Variants in IL21R observed in about 807,000 individuals in gnomAD.
IL21R encodes interleukin-21 receptor.
In IL21R, 14 loss-of-function variants were observed where a neutral mutation model predicts 41.3. The ratio of observed to expected loss-of-function variants is 0.34; its 90% CI spans 0.22 to 0.53. The LOEUF is 0.53. Ranked by LOEUF, IL21R falls within the 20% of genes least tolerant of loss-of-function variation. The pLI, the probability that IL21R is intolerant of heterozygous loss-of-function variation, is 0.94. For synonymous variants in IL21R, 286 were observed against 287.6 expected (o/e 0.99, Z 0.05); for missense variants, 588 against 681.6 (o/e 0.86, Z 1.53).
chr16:27,408,808 T>C (rs1327428796), intron 1 of IL21R, among the ~76,000 whole-genome samples: 1 of 152,152 alleles, frequency 6.6e-6, no homozygotes, highest in Non-Finnish European at 1.5e-5. Context: ...CCCATGTCCC[T>C]ACCTGGGTCA....
At chr16:27,414,082 G>C (rs2086859151) in intron 1 of IL21R, among the ~76,000 whole-genome samples, 2 of 151,134 alleles carry the variant, frequency 1.3e-5, no homozygotes, top group Non-Finnish European at 2.9e-5. Context: ...AGCACCTCTA[G>C]TATAAGATGT....
intron 1 of IL21R, among the ~76,000 whole-genome samples, chr16:27,406,157 G>A (rs2141254732): frequency 6.6e-6 from 1 of 152,398 alleles, no homozygotes; most frequent in African/African-American, 2.4e-5. Context: ...CAGGGCCAGG[G>A]CGGGCTGATG....
Position 27,450,231 on chromosome 16 carries a change from AC to A in IL21R, c.*950del, listed in dbSNP as rs2087568326. The A allele has an allele frequency of 4.3e-6, 1 of 232,670 alleles. No homozygotes were observed. Among genetic ancestry groups the A allele is most frequent in the Non-Finnish European group, 8.5e-6 (1 of 117,744 alleles). 14.4% of individuals were successfully genotyped at this position (232,670 alleles called of 1,614,324 possible). Reference sequence around the variant, plus strand: ...GTCTCTTGGAAACAGCTCCCCACCAACCAAGATTTCTTTTTCTAACTTCTGC... The same window carrying A: ...GTCTCTTGGAAACAGCTCCCCACCAACAAGATTTCTTTTTCTAACTTCTGC... On this transcript the variant is annotated 3_prime_UTR_variant, in exon 9 of 9. Transcript: ENST00000337929.
intron 3 of IL21R, among the ~76,000 whole-genome samples, 182 bp from the exon 4 acceptor site, chr16:27,437,306 T>C (rs1357433232): frequency 6.6e-6 from 1 of 152,146 alleles, no homozygotes; most frequent in African/African-American, 2.4e-5. Flanking sequence ...GAGGATGCTG[T>C]AGGGGAGGTG....
At chr16:27,417,463 G>A (rs1452122561) in intron 1 of IL21R, among the ~76,000 whole-genome samples, 1 of 152,078 alleles carries the variant, frequency 6.6e-6, no homozygotes, top group Non-Finnish European at 1.5e-5. Context: ...TACTGCATCT[G>A]GTCAATTCTT....
At chr16:27,443,804 TG>T (rs2087432120) in intron 5 of IL21R, among the ~76,000 whole-genome samples, 1 of 148,062 alleles carries the variant, frequency 6.8e-6, no homozygotes, top group Non-Finnish European at 1.5e-5. Context: ...AAAGGTCCAG[TG>T]TTAGAGGGCC....
chr16:27,444,441 C>G, intron 5 of IL21R, 101 bp from the exon 6 acceptor site: 1 of 753,590 alleles, frequency 1.3e-6, no homozygotes, highest in Non-Finnish European at 2.0e-6. Context: ...AAGAGACACT[C>G]AGCCCCTTTG....
intron 1 of IL21R, among the ~76,000 whole-genome samples, chr16:27,417,564 A>G (rs2141267533): frequency 6.6e-6 from 1 of 152,360 alleles, no homozygotes; most frequent in South Asian, 2.1e-4. Context: ...GAAATGTGTC[A>G]TTAGGTAATT....
At position 27,448,580 on chromosome 16, in the gene IL21R, C is replaced by G. The variant is rs1222645009; in HGVS notation, c.914C>G (p.Pro305Arg). The G allele has an allele frequency of 1.9e-6, 3 of 1,612,162 alleles. No individual in the cohort carries two copies. The highest frequency in any genetic ancestry group is 2.5e-6 in the Non-Finnish European group (3 of 1,179,616). The change falls in exon 9 of 9, where the codon CCC becomes CGC. Residue 305 changes from proline (P) to arginine (R), a missense_variant. By Grantham distance (103) the Pro-to-Arg change is moderately radical. Coordinates refer to ENST00000337929, the MANE Select transcript of IL21R (RefSeq NM_181078.3). Reference protein sequence around the residue: ...PFTGSSLELGPWSPEVPSTLE... With the variant: ...PFTGSSLELGRWSPEVPSTLE... ...ACTGGCTCCAGCCTGGAGCTGGGAC[C>G]CTGGAGCCCAGAGGTGCCCTCCACC... is the stretch of plus-strand genomic sequence containing the variant.
chr16:27,440,353 A>G (rs2087368051), intron 4 of IL21R, among the ~76,000 whole-genome samples: 1 of 151,020 alleles, frequency 6.6e-6, no homozygotes, highest in African/African-American at 2.4e-5. Flanking sequence ...AGCTCATTGC[A>G]GCCTGGAACT....
At chr16:27,434,616 C>T (rs952665047) in intron 3 of IL21R, among the ~76,000 whole-genome samples, 167 bp downstream of exon 3, 6 of 152,170 alleles carry the variant, frequency 3.9e-5, no homozygotes, top group African/African-American at 7.2e-5. Flanking sequence ...TTGGTCTATC[C>T]ACCAGCTTCA....
At chr16:27,419,251 A>G (rs888506700) in intron 1 of IL21R, among the ~76,000 whole-genome samples, 2 of 152,286 alleles carry the variant, frequency 1.3e-5, no homozygotes, top group South Asian at 2.1e-4. Flanking sequence ...AGGCAGACAC[A>G]TTAGCCTAGG....
chr16:27,434,419 A>T lies in IL21R; in HGVS notation c.122A>T (p.Asn41Ile). 1.2e-6 allele frequency: 2 copies of T among 1,613,358 alleles called. No individual in the cohort carries two copies. The highest frequency in any genetic ancestry group is 2.2e-5 in the South Asian group (2 of 91,040). Residue 41 changes from asparagine to isoleucine, a missense_variant, in exon 3 of 9, where the codon AAC (asparagine) becomes ATC (isoleucine). Coordinates refer to ENST00000337929, the MANE Select transcript of IL21R (RefSeq NM_181078.3). ...GTCATCTGCATCCTGGAAATGTGGAACCTCCACCCCAGCACGCTCACCCTT... is the reference window on the plus strand; with the variant it reads ...GTCATCTGCATCCTGGAAATGTGGATCCTCCACCCCAGCACGCTCACCCTT... ...QTVICILEMW[N>I]LHPSTLTLTW...
intron 1 of IL21R, among the ~76,000 whole-genome samples, chr16:27,418,499 G>A (rs761518729): frequency 6.6e-6 from 1 of 152,132 alleles, no homozygotes; most frequent in Non-Finnish European, 1.5e-5. Context: ...CTCCAGAGTA[G>A]CTGGGACTAC....
intron 4 of IL21R, 88 bp from the exon 5 acceptor site, chr16:27,442,874 G>A: frequency 8.0e-7 from 1 of 1,253,546 alleles, no homozygotes; most frequent in Non-Finnish European, 1.1e-6. Flanking sequence ...CAGGGGTGGG[G>A]GCAGGCAGGA....
intron 4 of IL21R, among the ~76,000 whole-genome samples, chr16:27,441,885 C>T (rs2087393974): frequency 6.6e-6 from 1 of 152,144 alleles, no homozygotes; most frequent in African/African-American, 2.4e-5. Context: ...GTCGCATCCA[C>T]CTGTAGTCTC....
chr16:27,429,078 G>A (rs2087123932), intron 1 of IL21R, among the ~76,000 whole-genome samples: 1 of 152,184 alleles, frequency 6.6e-6, no homozygotes, highest in African/African-American at 2.4e-5. Flanking sequence ...ACAAAAATTA[G>A]CCAGGCGTGG....
At chr16:27,419,376 T>C (rs959747430) in intron 1 of IL21R, among the ~76,000 whole-genome samples, 1 of 152,218 alleles carries the variant, frequency 6.6e-6, no homozygotes, top group Admixed American at 6.5e-5. Flanking sequence ...ATGATAATGA[T>C]GCCTTCTTCC....
chr16:27,442,865 AG>A (rs2087413671), intron 4 of IL21R, 96 bp from the exon 5 acceptor site: 17 of 1,161,232 alleles, frequency 1.5e-5, no homozygotes, highest in Non-Finnish European at 1.9e-5. Flanking sequence ...GCATGGAGGC[AG>A]GGGTGGGGGC....
Sources: allele counts gnomAD v4.1 joint callset (sites outside exome capture counted in the v4.1 genomes callset), GRCh38; gene constraint gnomAD v4.1.1; transcripts MANE v1.5; gene names NCBI Gene and HGNC (gene_info 2026-07-23, HGNC 2026-07-21).